The following NRG1 variants were observed in gnomAD, a reference collection of about 807,000 sequenced individuals.
NRG1 encodes the protein pro-neuregulin-1, membrane-bound isoform.
NRG1 carries 18 observed loss-of-function variants against 63.8 expected under a neutral mutation model. The observed-to-expected ratio is 0.28, with a 90% CI of 0.19 to 0.42. The LOEUF (loss-of-function observed/expected upper bound fraction) is 0.42. NRG1 is among the 10% of genes least tolerant of loss of function. NRG1 has a pLI of 1.00. For synonymous variants in NRG1, 302 were observed against 301.3 expected (o/e 1.00, Z -0.02); for missense variants, 762 against 814.7 (o/e 0.94, Z 0.79).
At chr8:32,702,068 A>T (rs1815040205) in intron 5 of NRG1, among the ~76,000 whole-genome samples, 2 of 152,210 alleles carry the variant, frequency 1.3e-5, no homozygotes, top group Non-Finnish European at 2.9e-5. Flanking sequence ...GACTTGACTC[A>T]CATACCAAAT....
At chr8:31,731,154 C>T (rs887556585) in intron 1 of NRG1, among the ~76,000 whole-genome samples, 1 of 151,846 alleles carries the variant, frequency 6.6e-6, no homozygotes, top group Non-Finnish European at 1.5e-5. Flanking sequence ...ATGAGCAGAC[C>T]CAACAAATGT....
intron 1 of NRG1, among the ~76,000 whole-genome samples, chr8:32,374,342 C>T (rs956724225): frequency 1.3e-5 from 2 of 152,158 alleles, no homozygotes; most frequent in African/African-American, 4.8e-5. Context: ...TTCCACAACA[C>T]AATGTGGTTC....
chr8:32,186,604 G>T (rs1841999189), intron 1 of NRG1, among the ~76,000 whole-genome samples: 1 of 152,196 alleles, frequency 6.6e-6, no homozygotes, highest in Admixed American at 6.5e-5. Flanking sequence ...ATGTGGAGAT[G>T]CAGATTCTCA....
chr8:31,807,358 GTA>G (rs1224046763), intron 1 of NRG1, among the ~76,000 whole-genome samples: 8 of 152,064 alleles, frequency 5.3e-5, no homozygotes, highest in African/African-American at 1.9e-4. Context: ...ACATTTTATT[GTA>G]TGTCTTCTCT....
intron 1 of NRG1, among the ~76,000 whole-genome samples, chr8:32,182,331 C>T (rs775129907): frequency 3.0e-4 from 46 of 152,094 alleles, no homozygotes; most frequent in Non-Finnish European, 4.6e-4. Context: ...ACCACAACCT[C>T]TGCCTCCTGG....
intron 1 of NRG1, among the ~76,000 whole-genome samples, chr8:32,454,620 T>G (rs1362339712): frequency 1.4e-5 from 2 of 147,310 alleles, no homozygotes; most frequent in Non-Finnish European, 3.0e-5. Flanking sequence ...CTCAAATTTT[T>G]GGGCTCAAAT....
chr8:32,250,862 G>A (rs902776575), intron 1 of NRG1, among the ~76,000 whole-genome samples: 8 of 151,884 alleles, frequency 5.3e-5, no homozygotes, highest in Non-Finnish European at 8.8e-5. Flanking sequence ...TGAGACAAAT[G>A]ATGACAATGT....
Position 32,412,446 on chromosome 8 carries a change from A to G in NRG1, c.38-183382A>G, listed in dbSNP as rs1287404773. Among the ~76,000 whole-genome samples, 4 of 52,058 alleles carry G rather than the reference A, an allele frequency of 7.7e-5. 1 individual carries two copies. Among genetic ancestry groups the G allele is most frequent in the African/African-American group, 2.2e-4 (4 of 18,210 alleles). The allele number at this position is 52,058 out of a possible 152,430, so 34.2% of individuals were successfully genotyped here. ...TACATATATATATATATATATATAT[A>G]TATATACATATATATATATATATAT... is the stretch of plus-strand genomic sequence containing the variant. On this transcript the variant is annotated intron_variant, in intron 1 of 10. Coordinates refer to the NRG1 transcript ENST00000519301.
intron 1 of NRG1, among the ~76,000 whole-genome samples, chr8:32,215,871 G>T (rs1036259626): frequency 6.6e-6 from 1 of 151,878 alleles, no homozygotes; most frequent in African/African-American, 2.4e-5. Flanking sequence ...GTGAAAACCC[G>T]TTTCTACTAA....
chr8:32,110,915 C>T (rs1215649102), intron 1 of NRG1, among the ~76,000 whole-genome samples: 1 of 152,138 alleles, frequency 6.6e-6, no homozygotes, highest in African/African-American at 2.4e-5. Context: ...CGGATTCTTA[C>T]CTCAAGGTGA....
At chr8:32,554,166 G>A (rs1001464011) in intron 1 of NRG1, among the ~76,000 whole-genome samples, 11 of 152,148 alleles carry the variant, frequency 7.2e-5, no homozygotes, top group Non-Finnish European at 4.4e-5. Context: ...AAATCAGATA[G>A]TATTAGCTTG....
chr8:31,852,687 G>T (rs1563483175), intron 1 of NRG1, among the ~76,000 whole-genome samples: 1 of 152,206 alleles, frequency 6.6e-6, no homozygotes, highest in East Asian at 1.9e-4. Flanking sequence ...CCTTGCCCAT[G>T]CCTATGTCCT....
intron 1 of NRG1, among the ~76,000 whole-genome samples, chr8:31,875,451 A>G (rs983364758): frequency 1.3e-5 from 2 of 152,214 alleles, no homozygotes; most frequent in Admixed American, 1.3e-4. Flanking sequence ...TAAGACCCAG[A>G]CTGTCAACTT....
rs58220737 is a variant in NRG1 at position 32,144,386 on chromosome 8, G to GGTGTGTGTGTGTGTGTGT, written c.38-451441_38-451424dup. 5.3e-5 allele frequency among the ~76,000 whole-genome samples: 8 copies of GGTGTGTGTGTGTGTGTGT among 150,980 alleles called. No individual in the cohort carries two copies. The South Asian group carries it at 1.5e-3, about 28-fold the overall frequency. ...TGTATATAGTATGTGTGTTTATGGA[G>GGTGTGTGTGTGTGTGTGT]GTGTGTGTGTGTGTGTGTATGTGTT... On this transcript the variant is annotated intron_variant, in intron 1 of 10. Transcript: ENST00000519301.
chr8:31,814,611 G>C (rs1281748500), intron 1 of NRG1, among the ~76,000 whole-genome samples: 1 of 151,160 alleles, frequency 6.6e-6, no homozygotes, highest in Non-Finnish European at 1.5e-5. Context: ...GTGTGCCACT[G>C]TCCGTGTTTC....
chr8:31,912,126 T>C (rs918239891), intron 1 of NRG1, among the ~76,000 whole-genome samples: 1 of 152,204 alleles, frequency 6.6e-6, no homozygotes, highest in Admixed American at 6.5e-5. Flanking sequence ...GATACCTTAT[T>C]TTTATTAATA....
intron 1 of NRG1, among the ~76,000 whole-genome samples, chr8:31,842,595 C>T (rs183934835): frequency 6.6e-6 from 1 of 152,262 alleles, no homozygotes; most frequent in East Asian, 1.9e-4. Flanking sequence ...CTGACCACTC[C>T]TTCCTGCACT....
rs373110874 is a variant in NRG1, at chr8:32,667,207, T to G, written c.502+50322T>G. On this transcript the variant is annotated intron_variant, in intron 5 of 11. Transcript: ENST00000356819. ...GCAATTGTAACACAATCGTAAGTATTTATATATGTAAACATATCTAAACAG... is the reference window on the plus strand; with the variant it reads ...GCAATTGTAACACAATCGTAAGTATGTATATATGTAAACATATCTAAACAG... Among the ~76,000 whole-genome samples, 66 of 152,316 alleles carry G rather than the reference T, an allele frequency of 4.3e-4. 1 individual carries two copies. In the East Asian group the frequency reaches 7.3e-3, roughly 17 times the overall value.
chr8:32,254,420 C>T (rs918138685), intron 1 of NRG1, among the ~76,000 whole-genome samples: 1 of 152,118 alleles, frequency 6.6e-6, no homozygotes, highest in Admixed American at 6.6e-5. Flanking sequence ...TTATTTCTGC[C>T]TTCATTTCAT....
Sources: allele counts gnomAD v4.1 joint callset (sites outside exome capture counted in the v4.1 genomes callset), GRCh38; gene constraint gnomAD v4.1.1; transcripts MANE v1.5; gene names NCBI Gene and HGNC (gene_info 2026-07-23, HGNC 2026-07-21).